MAPKAP1: variants seen among roughly 807,000 people sequenced by gnomAD.
MAPKAP1 encodes the protein MAPK associated protein 1.
Under a neutral mutation model 65.7 loss-of-function variants are expected in MAPKAP1, and 20 were observed. The ratio of observed to expected loss-of-function variants is 0.30; its 90% CI spans 0.21 to 0.44. The LOEUF (loss-of-function observed/expected upper bound fraction) is 0.44, where lower values mean the gene tolerates loss of function less well. Ranked by LOEUF, MAPKAP1 falls within the 20% of genes least tolerant of loss-of-function variation. The probability of loss-of-function intolerance (pLI) is 1.00; values close to 1 mark genes in which losing one functional copy is unlikely to be tolerated. For missense variants in MAPKAP1, 423 were observed against 648.0 expected (o/e 0.65, Z 3.77); for synonymous variants, 222 against 244.3 (o/e 0.91, Z 0.85).
At chr9:125,658,326 G>C (rs1834091604) in intron 3 of MAPKAP1, among the ~76,000 whole-genome samples, 1 of 152,170 alleles carries the variant, frequency 6.6e-6, no homozygotes, top group Admixed American at 6.5e-5. Context: ...AAAAGAGAAA[G>C]GATATTTATA....
Position 125,513,982 on chromosome 9 carries a change from C to T in MAPKAP1, c.959-7565G>A, listed in dbSNP as rs117127983. Among the ~76,000 whole-genome samples, 36 of 152,278 alleles carry T rather than the reference C, an allele frequency of 2.4e-4. No individual in the cohort carries two copies. In the East Asian group the frequency reaches 5.0e-3, roughly 21 times the overall value. ...TCCTACAAATATAGTCTAAAAATGA[C>T]GAGTAAATGTCAGAACCCACAGAAC... On this transcript the variant is annotated intron_variant, in intron 7 of 11. Coordinates refer to ENST00000265960, the MANE Select transcript of MAPKAP1 (RefSeq NM_001006617.3).
chr9:125,689,604 T>C (rs1835102734), intron 1 of MAPKAP1, among the ~76,000 whole-genome samples: 1 of 145,198 alleles, frequency 6.9e-6, no homozygotes, highest in African/African-American at 2.6e-5. Flanking sequence ...CTGGGCGTGG[T>C]GGTGGGTGCC....
At chr9:125,584,272 C>T (rs1215340977) in intron 5 of MAPKAP1, among the ~76,000 whole-genome samples, 1 of 152,098 alleles carries the variant, frequency 6.6e-6, no homozygotes, top group Non-Finnish European at 1.5e-5. Context: ...GTGTCCACAA[C>T]TTACTCAGGC....
At chr9:125,459,272 G>A (rs1853355676) in intron 10 of MAPKAP1, among the ~76,000 whole-genome samples, 1 of 150,874 alleles carries the variant, frequency 6.6e-6, no homozygotes, top group African/African-American at 2.4e-5. Context: ...CCGGGAAGAG[G>A]CGCTCCTCAC....
intron 9 of MAPKAP1, among the ~76,000 whole-genome samples, chr9:125,481,911 A>C (rs1160277115): frequency 1.3e-5 from 2 of 151,720 alleles, no homozygotes; most frequent in African/African-American, 4.8e-5. Context: ...TGGGTGGATC[A>C]CTTGAGGTCA....
At chr9:125,689,029 G>C (rs1285701558) in intron 1 of MAPKAP1, among the ~76,000 whole-genome samples, 1 of 152,122 alleles carries the variant, frequency 6.6e-6, no homozygotes, top group African/African-American at 2.4e-5. Context: ...CAATAAGCAT[G>C]ACTACATACT....
chr9:125,657,254 T>C (rs1255597261), intron 4 of MAPKAP1, among the ~76,000 whole-genome samples: 1 of 152,034 alleles, frequency 6.6e-6, no homozygotes, highest in Non-Finnish European at 1.5e-5. Flanking sequence ...ATTAAAAATA[T>C]ACACATATAT....
intron 7 of MAPKAP1, among the ~76,000 whole-genome samples, chr9:125,531,343 T>G (rs1047355630): frequency 6.6e-6 from 1 of 152,350 alleles, no homozygotes; most frequent in Non-Finnish European, 1.5e-5. Flanking sequence ...TATTCTCACT[T>G]ATAAAATGAA....
intron 9 of MAPKAP1, among the ~76,000 whole-genome samples, chr9:125,478,971 T>C (rs761223175): frequency 2.0e-4 from 31 of 152,308 alleles, no homozygotes; most frequent in Non-Finnish European, 2.5e-4. Context: ...ATGATTCGCA[T>C]GTAAGGCAGA....
chr9:125,544,433 C>T (rs1830362452), intron 6 of MAPKAP1, among the ~76,000 whole-genome samples: 1 of 152,136 alleles, frequency 6.6e-6, no homozygotes, highest in Admixed American at 6.5e-5. Flanking sequence ...TCCTTGTAAG[C>T]TTCCAATTAA....
At chr9:125,647,672 A>G (rs1231387007) in intron 4 of MAPKAP1, among the ~76,000 whole-genome samples, 3 of 152,178 alleles carry the variant, frequency 2.0e-5, no homozygotes. Context: ...TGATGGCCAT[A>G]TGGCCGCTCT....
chr9:125,634,818 T>G (rs1435768222), intron 4 of MAPKAP1, among the ~76,000 whole-genome samples: 5 of 152,200 alleles, frequency 3.3e-5, no homozygotes, highest in Non-Finnish European at 7.3e-5. Flanking sequence ...CACGAGCATC[T>G]TCTATTTAAC....
chr9:125,679,491 C>T (rs531588717), intron 1 of MAPKAP1, among the ~76,000 whole-genome samples: 32 of 151,744 alleles, frequency 2.1e-4, no homozygotes, highest in African/African-American at 7.7e-4. Flanking sequence ...AATGGTTGTT[C>T]AAAAAAATAA....
At chr9:125,598,020 T>G (rs1325886833) in intron 4 of MAPKAP1, among the ~76,000 whole-genome samples, 1 of 151,488 alleles carries the variant, frequency 6.6e-6, no homozygotes, top group Non-Finnish European at 1.5e-5. Flanking sequence ...TGGCCTAAAT[T>G]GGTCTAATTC....
chr9:125,510,016 T>C (rs1044075124), intron 7 of MAPKAP1, among the ~76,000 whole-genome samples: 2 of 152,248 alleles, frequency 1.3e-5, no homozygotes, highest in African/African-American at 4.8e-5. Context: ...CTATGAAGCC[T>C]AGCATGTTGA....
rs150206483 is a variant in MAPKAP1, at chr9:125,615,176, G to A, written c.499-29449C>T. 5.8e-3 allele frequency among the ~76,000 whole-genome samples: 884 copies of A among 151,956 alleles called. 4 individuals carry two copies. The highest frequency in any genetic ancestry group is 0.027 in the Middle Eastern group (8 of 294). ...AATTTAAAAATATATTTAATAATAG[G>A]TATATGTGAATCAATCTAACAACAA... On this transcript the variant is annotated intron_variant, in intron 4 of 11. Transcript: ENST00000265960.
At chr9:125,477,176 C>T (rs1854141721) in intron 9 of MAPKAP1, among the ~76,000 whole-genome samples, 1 of 152,076 alleles carries the variant, frequency 6.6e-6, no homozygotes. Flanking sequence ...ATATCTTATA[C>T]AGAATTATTT....
intron 4 of MAPKAP1, 77 bp from the exon 5 acceptor site, chr9:125,585,804 C>T: frequency 7.2e-7 from 1 of 1,379,314 alleles, no homozygotes; most frequent in Non-Finnish European, 1.0e-6. Flanking sequence ...GGCCTGTGGG[C>T]AGCACAGCCA....
At chr9:125,515,524 A>G (rs1829435193) in intron 7 of MAPKAP1, among the ~76,000 whole-genome samples, 1 of 152,240 alleles carries the variant, frequency 6.6e-6, no homozygotes, top group Admixed American at 6.5e-5. Flanking sequence ...AATGTAAATG[A>G]GAAGGTAGCC....
Sources: gnomAD v4.1 joint callset for allele counts (sites outside exome capture counted in the v4.1 genomes callset) on GRCh38, gnomAD v4.1.1 for gene constraint, MANE v1.5 for transcripts, NCBI Gene and HGNC (gene_info 2026-07-23, HGNC 2026-07-21) for gene names.